The following L3MBTL4 variants were observed in gnomAD, a reference collection of about 807,000 sequenced individuals.
The protein encoded by L3MBTL4 is lethal(3)malignant brain tumor-like protein 4.
A neutral mutation model predicts 84.5 loss-of-function variants in L3MBTL4; 70 were observed. That is an observed-to-expected ratio of 0.83 (90% confidence interval 0.68 to 1.01). L3MBTL4 has a LOEUF of 1.01. L3MBTL4 is among the 50% of genes least tolerant of loss of function. The pLI, the probability that L3MBTL4 is intolerant of heterozygous loss-of-function variation, is 0.00. For missense variants in L3MBTL4, 715 were observed against 754.8 expected (o/e 0.95, Z 0.62); for synonymous variants, 274 against 259.8 (o/e 1.05, Z -0.52).
intron 1 of L3MBTL4, among the ~76,000 whole-genome samples, chr18:6,409,514 C>T (rs1314758034): frequency 6.6e-6 from 1 of 152,102 alleles, no homozygotes; most frequent in Admixed American, 6.5e-5. Flanking sequence ...TCCAATAATG[C>T]AGACCATCTG....
chr18:5,966,382 A>T (rs748680259), intron 17 of L3MBTL4, among the ~76,000 whole-genome samples: 1 of 152,076 alleles, frequency 6.6e-6, no homozygotes, highest in Non-Finnish European at 1.5e-5. Flanking sequence ...CAGCCTCAAA[A>T]CCCGACCAGC....
chr18:6,003,055 ATAGTAT>A (rs1302103703), intron 16 of L3MBTL4, among the ~76,000 whole-genome samples: 2 of 115,094 alleles, frequency 1.7e-5, no homozygotes, highest in African/African-American at 3.4e-5. Flanking sequence ...TATATAAAAT[ATAGTAT>A]CTCTATTTAT....
chr18:5,981,974 C>CTCTG (rs1555622566), intron 16 of L3MBTL4, among the ~76,000 whole-genome samples: 2 of 137,430 alleles, frequency 1.5e-5, no homozygotes, highest in East Asian at 4.2e-4. Flanking sequence ...TTTCAATATT[C>CTCTG]TGTGTGTGTG....
At chr18:6,230,348 C>T (rs1411908497) in intron 10 of L3MBTL4, among the ~76,000 whole-genome samples, 1 of 152,110 alleles carries the variant, frequency 6.6e-6, no homozygotes, top group East Asian at 1.9e-4. Flanking sequence ...TTTTCTGCTC[C>T]TCTGGTAGTT....
At chr18:6,190,779 G>A (rs1027932448) in intron 12 of L3MBTL4, among the ~76,000 whole-genome samples, 5 of 152,166 alleles carry the variant, frequency 3.3e-5, no homozygotes, top group Non-Finnish European at 5.9e-5. Context: ...GTAGGAGTGT[G>A]CCAGGAGAGT....
intron 14 of L3MBTL4, among the ~76,000 whole-genome samples, chr18:6,134,390 A>C (rs770004778): frequency 3.3e-5 from 5 of 152,098 alleles, no homozygotes; most frequent in African/African-American, 4.8e-5. Flanking sequence ...TGCCTTCCCA[A>C]CAGTTCCCCA....
At chr18:6,345,633 T>C (rs2052860703) in intron 1 of L3MBTL4, among the ~76,000 whole-genome samples, 1 of 152,164 alleles carries the variant, frequency 6.6e-6, no homozygotes, top group Non-Finnish European at 1.5e-5. Flanking sequence ...GTGAAAAATC[T>C]ACACTGAAAG....
At chr18:5,995,540 T>C (rs1198382734) in intron 16 of L3MBTL4, among the ~76,000 whole-genome samples, 1 of 152,202 alleles carries the variant, frequency 6.6e-6, no homozygotes, top group East Asian at 1.9e-4. Context: ...GTAAGCTAGA[T>C]GTGTACCTAG....
At chr18:6,179,660 A>ATG (rs145138397) in intron 12 of L3MBTL4, among the ~76,000 whole-genome samples, 2 of 152,128 alleles carry the variant, frequency 1.3e-5, no homozygotes, top group Non-Finnish European at 1.5e-5. Flanking sequence ...GATAGTTGTA[A>ATG]TGTGTGTGTG....
chr18:6,296,129 A>G (rs1033530648), intron 4 of L3MBTL4, among the ~76,000 whole-genome samples: 7 of 152,148 alleles, frequency 4.6e-5, no homozygotes, highest in Admixed American at 4.6e-4. Context: ...TTCTCTCATT[A>G]CACCCGGGAA....
At chr18:5,993,770 A>G (rs2053814610) in intron 16 of L3MBTL4, among the ~76,000 whole-genome samples, 1 of 152,210 alleles carries the variant, frequency 6.6e-6, no homozygotes, top group Non-Finnish European at 1.5e-5. Flanking sequence ...GGTTATAGCC[A>G]TTATTTCCTA....
At chr18:6,407,200 A>C (rs77278692) in intron 1 of L3MBTL4, among the ~76,000 whole-genome samples, 1 of 152,364 alleles carries the variant, frequency 6.6e-6, no homozygotes, top group Non-Finnish European at 1.5e-5. Flanking sequence ...GCAGTAAAAT[A>C]GATGGGCATC....
intron 18 of L3MBTL4, among the ~76,000 whole-genome samples, chr18:5,956,924 G>A (rs1300621503): frequency 6.7e-6 from 1 of 148,422 alleles, no homozygotes; most frequent in Non-Finnish European, 1.5e-5. Context: ...TTTTTTTATA[G>A]ATCAGTAAAC....
intron 16 of L3MBTL4, among the ~76,000 whole-genome samples, chr18:6,015,754 C>T (rs1028468649): frequency 3.3e-5 from 5 of 152,038 alleles, no homozygotes; most frequent in East Asian, 1.9e-4. Context: ...GTCAGGAGAT[C>T]GAGACCATCC....
intron 16 of L3MBTL4, among the ~76,000 whole-genome samples, chr18:5,992,373 G>A (rs1035461784): frequency 3.3e-5 from 5 of 152,162 alleles, no homozygotes; most frequent in African/African-American, 1.2e-4. Flanking sequence ...GTTTGATAGA[G>A]TGCCCCCACA....
intron 16 of L3MBTL4, among the ~76,000 whole-genome samples, chr18:6,042,851 T>G (rs913179333): frequency 1.3e-5 from 2 of 152,182 alleles, no homozygotes; most frequent in African/African-American, 4.8e-5. Context: ...CAAACCTCAC[T>G]TCAGAGGTTC....
intron 4 of L3MBTL4, among the ~76,000 whole-genome samples, chr18:6,294,789 G>A (rs1034533820): frequency 3.3e-5 from 5 of 152,066 alleles, no homozygotes; most frequent in Non-Finnish European, 7.4e-5. Flanking sequence ...TATCCACCAG[G>A]GACCTCTAAT....
intron 16 of L3MBTL4, among the ~76,000 whole-genome samples, chr18:6,023,813 G>A (rs2055376066): frequency 6.6e-6 from 1 of 152,166 alleles, no homozygotes. Flanking sequence ...GGGATCTGAA[G>A]TTTAAAACTT....
chr18:5,982,420 T>C (rs1012184185), intron 16 of L3MBTL4, among the ~76,000 whole-genome samples: 7 of 152,224 alleles, frequency 4.6e-5, no homozygotes, highest in Non-Finnish European at 1.0e-4. Flanking sequence ...CAGGTCAGCA[T>C]AGGAGCCAAG....
Sources: allele counts gnomAD v4.1 joint callset (sites outside exome capture counted in the v4.1 genomes callset), GRCh38; gene constraint gnomAD v4.1.1; transcripts MANE v1.5; gene names NCBI Gene and HGNC (gene_info 2026-07-23, HGNC 2026-07-21).